The following SPNS3 variants were observed in gnomAD, a reference collection of about 807,000 sequenced individuals.
SPNS3 encodes protein spinster homolog 3.
In SPNS3, 51 loss-of-function variants were observed where a neutral mutation model predicts 54.4. The ratio of observed to expected loss-of-function variants is 0.94; its 90% confidence interval spans 0.75 to 1.18. The LOEUF is 1.18. SPNS3 is among the 50% of genes most tolerant of loss of function. The pLI, the probability that SPNS3 is intolerant of heterozygous loss-of-function variation, is 0.00. For missense variants in SPNS3, 669 were observed against 677.4 expected (o/e 0.99, Z 0.14); for synonymous variants, 309 against 294.7 (o/e 1.05, Z -0.50).
chr17:4,471,035 C>T (rs1971841076), intron 8 of SPNS3, among the ~76,000 whole-genome samples: 1 of 152,222 alleles, frequency 6.6e-6, no homozygotes, highest in Non-Finnish European at 1.5e-5. Flanking sequence ...AACAATTCTC[C>T]TGCCTCAGCC....
At chr17:4,437,377 C>A (rs932121489) in intron 1 of SPNS3, among the ~76,000 whole-genome samples, 2 of 151,770 alleles carry the variant, frequency 1.3e-5, no homozygotes, top group African/African-American at 4.8e-5. Flanking sequence ...TTTTTTCTTT[C>A]CAATGACTGT....
At chr17:4,434,657 C>T (rs971575753) in intron 1 of SPNS3, among the ~76,000 whole-genome samples, 14 of 150,616 alleles carry the variant, frequency 9.3e-5, no homozygotes, top group East Asian at 2.0e-4. Context: ...CCACCACATC[C>T]GGCTAATTTT....
At chr17:4,482,163 G>A (rs1349270071) in intron 9 of SPNS3, 2 of 152,338 alleles carry the variant, frequency 1.3e-5, no homozygotes, top group Non-Finnish European at 2.9e-5. Flanking sequence ...TGGGATTATA[G>A]GTGTGAGCCA....
chr17:4,465,414 C>T (rs897996586), intron 8 of SPNS3, among the ~76,000 whole-genome samples: 6 of 151,940 alleles, frequency 3.9e-5, no homozygotes, highest in Admixed American at 1.3e-4. Flanking sequence ...CAACTTTCTG[C>T]TCATATTAGT....
At chr17:4,448,962 T>C (rs1971079423) in intron 6 of SPNS3, among the ~76,000 whole-genome samples, 1 of 151,498 alleles carries the variant, frequency 6.6e-6, no homozygotes, top group Non-Finnish European at 1.5e-5. Flanking sequence ...GTGTGTGAGT[T>C]GGGGGGGTCT....
Position 4,478,653 on chromosome 17 carries a change from G to T in SPNS3, c.1179+16G>T. ...CATCCTGCTGGTAGGTGTGGGAGTC[G>T]GGGTGGTGGGCTGAGCAGGGGGAGC... On this transcript the variant is annotated intron_variant, in intron 9 of 11. Coordinates refer to ENST00000355530, the MANE Select transcript of SPNS3 (RefSeq NM_182538.5). 6.3e-7 allele frequency: 1 copy of T among 1,578,708 alleles called. No individual in the cohort carries two copies. Among genetic ancestry groups the T allele is most frequent in the East Asian group, 2.3e-5 (1 of 43,668 alleles).
intron 8 of SPNS3, among the ~76,000 whole-genome samples, chr17:4,471,466 T>C (rs1326109076): frequency 1.3e-5 from 2 of 152,140 alleles, no homozygotes; most frequent in Non-Finnish European, 2.9e-5. Context: ...TTTTCTTTGA[T>C]ATTTATTTAT....
In SPNS3 at chr17:4,437,048, A is replaced by G. The variant is rs1340735490; in HGVS notation, c.200-2610A>G. Among the ~76,000 whole-genome samples the G allele has an allele frequency of 6.6e-5, 10 of 152,302 alleles. No homozygotes were observed. The East Asian group carries it at 1.9e-3, about 29-fold the overall frequency. On this transcript the variant is annotated intron_variant, in intron 1 of 11. Coordinates refer to ENST00000355530, the MANE Select transcript of SPNS3 (RefSeq NM_182538.5). Reference sequence around the variant, plus strand: ...CATCAGCACTTCCTCTGTATGTGCAAGAAAGGGGGCTGTGGTTACTGTGGG... The same window carrying G: ...CATCAGCACTTCCTCTGTATGTGCAGGAAAGGGGGCTGTGGTTACTGTGGG...
chr17:4,472,774 C>CTTTTTTTTTTTTTT (rs375118697), intron 8 of SPNS3, among the ~76,000 whole-genome samples: 7 of 50,940 alleles, frequency 1.4e-4, no homozygotes, highest in African/African-American at 4.4e-4. Context: ...GCTTGGCAGC[C>CTTTTTTTTTTTTTT]TTTTTTTTTT....
chr17:4,455,299 C>G (rs1293479330), intron 8 of SPNS3, among the ~76,000 whole-genome samples: 1 of 152,224 alleles, frequency 6.6e-6, no homozygotes, highest in Non-Finnish European at 1.5e-5. Context: ...GTTCCATCTT[C>G]TACCCCAACA....
At chr17:4,471,821 C>A (rs1359168921) in intron 8 of SPNS3, among the ~76,000 whole-genome samples, 1 of 151,642 alleles carries the variant, frequency 6.6e-6, no homozygotes, top group Non-Finnish European at 1.5e-5. Flanking sequence ...TAAGGAATTT[C>A]CTTCTGCTCC....
At position 4,458,612 on chromosome 17, in the gene SPNS3, T is replaced by C. The variant is rs569852914; in HGVS notation, c.1113+5407T>C. 1.3e-3 allele frequency among the ~76,000 whole-genome samples: 141 copies of C among 112,238 alleles called. 1 individual carries two copies. The highest frequency in any genetic ancestry group is 4.8e-3 in the African/African-American group (135 of 27,954). The allele number at this position is 112,238 out of a possible 152,430, so 73.6% of individuals were successfully genotyped here. ...TCCTTTCTTTCTTTCTTTCTTTCTTTCTTTCTTTCTTTCTTTCTTTCTTTC... is the reference window on the plus strand; with the variant it reads ...TCCTTTCTTTCTTTCTTTCTTTCTTCCTTTCTTTCTTTCTTTCTTTCTTTC... On this transcript the variant is annotated intron_variant, in intron 8 of 11. Transcript: ENST00000355530.
chr17:4,450,808 A>C (rs1971144138), intron 7 of SPNS3, among the ~76,000 whole-genome samples: 1 of 135,862 alleles, frequency 7.4e-6, no homozygotes, highest in Non-Finnish European at 1.6e-5. Context: ...GGGTTTCACC[A>C]TGTTGGGCAG....
rs543176574 is a variant in SPNS3, at chr17:4,448,518, C to T, written c.770+215C>T. Among the ~76,000 whole-genome samples, 43 of 152,330 alleles carry T rather than the reference C, an allele frequency of 2.8e-4. No individual in the cohort carries two copies. The South Asian group carries it at 8.7e-3, about 31-fold the overall frequency. On this transcript the variant is annotated intron_variant, in intron 6 of 11. Transcript: ENST00000355530. ...CCTTGCCATGTGACAGAAATATGGA[C>T]AGAGTGGGAGGGAGATGGCGTGAGC...
At chr17:4,444,965 C>T in intron 2 of SPNS3, 67 bp from the exon 3 acceptor site, 2 of 1,542,950 alleles carry the variant, frequency 1.3e-6, no homozygotes, top group Non-Finnish European at 1.8e-6. Flanking sequence ...CTTCCCTGGG[C>T]CTGCTGGGCC....
At chr17:4,465,677 G>A (rs907540897) in intron 8 of SPNS3, among the ~76,000 whole-genome samples, 1 of 151,976 alleles carries the variant, frequency 6.6e-6, no homozygotes, top group African/African-American at 2.4e-5. Context: ...TAGGGAGGTG[G>A]GATCGCCACC....
At chr17:4,479,761 C>T (rs1034729956) in intron 9 of SPNS3, among the ~76,000 whole-genome samples, 5 of 152,252 alleles carry the variant, frequency 3.3e-5, no homozygotes, top group African/African-American at 9.6e-5. Flanking sequence ...AGCCCTGGTC[C>T]TGCCACTTAT....
At chr17:4,452,946 G>A (rs866111044) in intron 7 of SPNS3, 70 bp from the exon 8 acceptor site, 6 of 1,465,156 alleles carry the variant, frequency 4.1e-6, no homozygotes, top group Non-Finnish European at 1.9e-6. Flanking sequence ...ACCTGGGGCT[G>A]GGAGCAGGAT....
chr17:4,477,765 C>T (rs890875108), intron 8 of SPNS3, among the ~76,000 whole-genome samples: 9 of 152,046 alleles, frequency 5.9e-5, no homozygotes, highest in African/African-American at 2.2e-4. Flanking sequence ...TACCAGGCCT[C>T]GCCCACCTCC....
Sources: gnomAD v4.1 joint callset for allele counts (sites outside exome capture counted in the v4.1 genomes callset) on GRCh38, gnomAD v4.1.1 for gene constraint, MANE v1.5 for transcripts, NCBI Gene and HGNC (gene_info 2026-07-23, HGNC 2026-07-21) for gene names.